The following CNOT4 variants were observed in gnomAD, a reference collection of about 807,000 sequenced individuals.
CNOT4 encodes the protein CCR4-NOT transcription complex subunit 4.
CNOT4 carries 8 observed loss-of-function variants against 73.8 expected under a neutral mutation model. The ratio of observed to expected loss-of-function variants is 0.11; its 90% CI spans 0.06 to 0.20. The LOEUF (loss-of-function observed/expected upper bound fraction) is 0.20. Among genes scored for constraint, CNOT4 ranks in the 10% least tolerant of loss-of-function variants. The pLI is 1.00. For synonymous variants in CNOT4, 293 were observed against 321.1 expected (o/e 0.91, Z 0.94); for missense variants, 564 against 883.4 (o/e 0.64, Z 4.58).
At chr7:135,462,721 C>A (rs1286630095) in intron 1 of CNOT4, among the ~76,000 whole-genome samples, 1 of 152,178 alleles carries the variant, frequency 6.6e-6, no homozygotes, top group South Asian at 2.1e-4. Context: ...AGGTTACAGT[C>A]TTGGATTCTT....
chr7:135,378,688 T>A (rs569953261), intron 10 of CNOT4, among the ~76,000 whole-genome samples: 1 of 151,736 alleles, frequency 6.6e-6, no homozygotes, highest in African/African-American at 2.4e-5. Flanking sequence ...CTTCTCTCCT[T>A]TGAAGAGGGA....
chr7:135,487,779 C>A (rs898958385), intron 1 of CNOT4, among the ~76,000 whole-genome samples: 2 of 152,200 alleles, frequency 1.3e-5, no homozygotes, highest in South Asian at 4.1e-4. Context: ...AGAGGCCAGG[C>A]ACGGTGGCTT....
At chr7:135,505,173 T>C (rs748256713) in intron 1 of CNOT4, among the ~76,000 whole-genome samples, 1 of 152,146 alleles carries the variant, frequency 6.6e-6, no homozygotes, top group Non-Finnish European at 1.5e-5. Flanking sequence ...CTTATCCTAA[T>C]AGCAATACAT....
At chr7:135,502,218 G>C (rs570191935) in intron 1 of CNOT4, among the ~76,000 whole-genome samples, 1 of 152,330 alleles carries the variant, frequency 6.6e-6, no homozygotes, top group Non-Finnish European at 1.5e-5. Flanking sequence ...ACTAAGACAT[G>C]CTTCCATTCC....
At chr7:135,483,810 C>T (rs529993858) in intron 1 of CNOT4, among the ~76,000 whole-genome samples, 4 of 152,144 alleles carry the variant, frequency 2.6e-5, no homozygotes, top group Non-Finnish European at 4.4e-5. Flanking sequence ...AGTGAGACCC[C>T]GTCTCAAAAA....
intron 7 of CNOT4, 98 bp downstream of exon 7, chr7:135,410,417 C>T (rs1797529111): frequency 5.0e-6 from 4 of 803,544 alleles, no homozygotes; most frequent in African/African-American, 1.8e-5. Context: ...AATGACAGAC[C>T]TTGTCAACAA....
intron 3 of CNOT4, among the ~76,000 whole-genome samples, chr7:135,419,119 C>CT (rs1239339046): frequency 1.3e-4 from 20 of 152,180 alleles, no homozygotes; most frequent in African/African-American, 4.8e-4. Flanking sequence ...ATCGTTGGCT[C>CT]TAATTACCTT....
Position 135,384,276 on chromosome 7 carries a change from C to CCT in CNOT4, c.1627+9640_1627+9641dup, listed in dbSNP as rs1301771404. The CCT allele has an allele frequency of 5.4e-4, 85 of 157,480 alleles. No homozygotes were observed. The Middle Eastern group carries it at 0.013, about 23-fold the overall frequency. The allele number at this position is 157,480 out of a possible 1,614,324, so 9.8% of individuals were successfully genotyped here. On this transcript the variant is annotated intron_variant, in intron 10 of 11. Transcript: ENST00000541284. Reference sequence around the variant, plus strand: ...AAATCACAGAGGAAGATACAGCCCACCTCTCTCTCTCTCTTTTTTTTTTTT... The same window carrying CCT: ...AAATCACAGAGGAAGATACAGCCCACCTCTCTCTCTCTCTCTTTTTTTTTTTT...
intron 1 of CNOT4, among the ~76,000 whole-genome samples, chr7:135,470,661 G>A (rs143170354): frequency 4.8e-4 from 73 of 151,952 alleles, no homozygotes; most frequent in African/African-American, 1.3e-3. Flanking sequence ...AATACTACTC[G>A]TCAATAAAAA....
At chr7:135,404,964 C>T (rs1797199766) in intron 7 of CNOT4, among the ~76,000 whole-genome samples, 1 of 152,166 alleles carries the variant, frequency 6.6e-6, no homozygotes, top group South Asian at 2.1e-4. Context: ...ATAGTTATGG[C>T]ACAGTTTCAT....
intron 3 of CNOT4, 38 bp from the exon 4 acceptor site, chr7:135,415,300 AT>A: frequency 9.5e-7 from 1 of 1,055,288 alleles, no homozygotes. Context: ...AACTGTCCCC[AT>A]TTTAAACAAC....
intron 1 of CNOT4, among the ~76,000 whole-genome samples, chr7:135,489,572 T>A (rs1802969050): frequency 6.6e-6 from 1 of 151,918 alleles, no homozygotes; most frequent in Non-Finnish European, 1.5e-5. Context: ...ATTTTTGTAT[T>A]TTCAGTAGAG....
Position 135,395,112 on chromosome 7 carries a change from G to T in CNOT4, c.1129+522C>A, listed in dbSNP as rs530149742. 5.9e-4 allele frequency among the ~76,000 whole-genome samples: 90 copies of T among 152,242 alleles called. 1 individual carries two copies. The highest frequency in any genetic ancestry group is 1.8e-3 in the African/African-American group (76 of 41,564). ...AATTAAAAATCTAAGTCCTTGCCAGGTGCAGTGCTTCATGCCTGTAATCCC... is the reference window on the plus strand; with the variant it reads ...AATTAAAAATCTAAGTCCTTGCCAGTTGCAGTGCTTCATGCCTGTAATCCC... On this transcript the variant is annotated intron_variant, in intron 9 of 11. Coordinates refer to ENST00000541284, the MANE Select transcript of CNOT4 (RefSeq NM_001190850.2).
intron 1 of CNOT4, among the ~76,000 whole-genome samples, chr7:135,499,974 TTC>T (rs1241210033): frequency 6.6e-6 from 1 of 152,148 alleles, no homozygotes. Context: ...TCAAAAATAT[TTC>T]TGTCATATTA....
chr7:135,494,334 G>A (rs1803313804), intron 1 of CNOT4, among the ~76,000 whole-genome samples: 1 of 151,882 alleles, frequency 6.6e-6, no homozygotes, highest in Non-Finnish European at 1.5e-5. Flanking sequence ...GCCGGGCATG[G>A]TAGTGCGCGC....
intron 6 of CNOT4, among the ~76,000 whole-genome samples, chr7:135,411,527 C>G (rs1797589440): frequency 1.3e-5 from 2 of 151,912 alleles, no homozygotes; most frequent in South Asian, 4.1e-4. Flanking sequence ...AGGTGTACAT[C>G]AAAAGGCAAT....
chr7:135,381,218 C>T (rs1433267931), intron 10 of CNOT4, among the ~76,000 whole-genome samples: 3 of 152,198 alleles, frequency 2.0e-5, no homozygotes, highest in Admixed American at 2.0e-4. Context: ...GAGACATCTT[C>T]CTCTACTACA....
chr7:135,495,690 A>AAG (rs1803483190), intron 1 of CNOT4, among the ~76,000 whole-genome samples: 1 of 38,658 alleles, frequency 2.6e-5, no homozygotes. Context: ...AAAAAAAAAA[A>AAG]AAAGAAAGAA....
intron 1 of CNOT4, among the ~76,000 whole-genome samples, chr7:135,471,600 T>C (rs987567505): frequency 3.9e-5 from 6 of 152,244 alleles, no homozygotes; most frequent in African/African-American, 1.4e-4. Flanking sequence ...GCCTTGAAAG[T>C]AAATTATCTA....
Sources: gnomAD v4.1 joint callset for allele counts (sites outside exome capture counted in the v4.1 genomes callset) on GRCh38, gnomAD v4.1.1 for gene constraint, MANE v1.5 for transcripts, NCBI Gene and HGNC (gene_info 2026-07-23, HGNC 2026-07-21) for gene names.